Variants in MYO16 observed in about 807,000 individuals in gnomAD.
MYO16 encodes unconventional myosin-XVI.
Under a neutral mutation model 205.3 loss-of-function variants are expected in MYO16, and 94 were observed. The observed-to-expected ratio is 0.46, with a 90% CI of 0.39 to 0.54. The LOEUF (loss-of-function observed/expected upper bound fraction) is 0.54. Among genes scored for constraint, MYO16 ranks in the 20% least tolerant of loss-of-function variants. The probability of loss-of-function intolerance (pLI) is 0.00; values close to 1 mark genes in which losing one functional copy is unlikely to be tolerated. For missense variants in MYO16, 2,315 were observed against 2,387.5 expected (o/e 0.97, Z 0.63); for synonymous variants, 988 against 954.0 (o/e 1.04, Z -0.66).
At chr13:108,967,208 GAATA>G (rs1329845779) in intron 20 of MYO16, among the ~76,000 whole-genome samples, 1 of 151,654 alleles carries the variant, frequency 6.6e-6, no homozygotes, top group Non-Finnish European at 1.5e-5. Flanking sequence ...TGGCAAGAGA[GAATA>G]AATATCACTA....
At chr13:109,098,387 T>C (rs1888844190) in intron 27 of MYO16, among the ~76,000 whole-genome samples, 1 of 152,184 alleles carries the variant, frequency 6.6e-6, no homozygotes, top group Non-Finnish European at 1.5e-5. Context: ...ATTTTCTGCA[T>C]CCCGCCACTT....
chr13:109,198,707 T>G (rs1880264350), intron 34 of MYO16, among the ~76,000 whole-genome samples: 2 of 152,224 alleles, frequency 1.3e-5, no homozygotes. Flanking sequence ...ACAGCTCATA[T>G]TTAAACAGCA....
intron 9 of MYO16, among the ~76,000 whole-genome samples, chr13:108,830,948 C>A (rs540010881): frequency 6.6e-6 from 1 of 152,226 alleles, no homozygotes; most frequent in Non-Finnish European, 1.5e-5. Flanking sequence ...TATGCCATAT[C>A]TTTACATCTG....
intron 24 of MYO16, 40 bp downstream of exon 24, chr13:109,047,031 G>A (rs1470770685): frequency 7.3e-7 from 1 of 1,366,050 alleles, no homozygotes; most frequent in African/African-American, 1.5e-5. Context: ...TGGTTAAAAT[G>A]CCATGCATCC....
At chr13:108,664,686 T>C (rs543326304) in intron 1 of MYO16, among the ~76,000 whole-genome samples, 8 of 152,340 alleles carry the variant, frequency 5.3e-5, no homozygotes, top group African/African-American at 1.7e-4. Flanking sequence ...CTTAAGAATA[T>C]ATAAACACAT....
chr13:108,999,956 T>C (rs543695369), intron 21 of MYO16, among the ~76,000 whole-genome samples: 31 of 152,330 alleles, frequency 2.0e-4, no homozygotes, highest in Non-Finnish European at 4.1e-4. Context: ...TTATGTGCCA[T>C]TGTTTTTTCC....
chr13:108,957,156 T>C (rs1378029794), intron 16 of MYO16, among the ~76,000 whole-genome samples: 1 of 151,794 alleles, frequency 6.6e-6, no homozygotes, highest in Non-Finnish European at 1.5e-5. Context: ...GAGGCCGAGG[T>C]GGGTGGATCA....
At chr13:108,640,422 G>A (rs967863931) in intron 1 of MYO16, among the ~76,000 whole-genome samples, 1 of 152,138 alleles carries the variant, frequency 6.6e-6, no homozygotes, top group Non-Finnish European at 1.5e-5. Flanking sequence ...GGAATGAAGA[G>A]TACAGAACAC....
chr13:108,987,217 G>A (rs139079716), intron 20 of MYO16, among the ~76,000 whole-genome samples: 33 of 152,328 alleles, frequency 2.2e-4, no homozygotes, highest in African/African-American at 7.7e-4. Context: ...AGAGAAGGCC[G>A]GACGGCCTCT....
chr13:108,968,487 G>A (rs1227924240), intron 20 of MYO16, among the ~76,000 whole-genome samples: 4 of 152,034 alleles, frequency 2.6e-5, no homozygotes, highest in African/African-American at 7.2e-5. Flanking sequence ...TTAGCCAGGC[G>A]TGGTGGTGCA....
intron 27 of MYO16, among the ~76,000 whole-genome samples, chr13:109,099,663 A>T (rs918722866): frequency 2.0e-5 from 3 of 152,106 alleles, no homozygotes; most frequent in Admixed American, 6.6e-5. Flanking sequence ...TACACACCAG[A>T]CTGTACTGCC....
chr13:109,113,591 A>G (rs1875518911), intron 28 of MYO16, among the ~76,000 whole-genome samples: 1 of 152,214 alleles, frequency 6.6e-6, no homozygotes, highest in Admixed American at 6.5e-5. Flanking sequence ...TCATAGAAGT[A>G]AACAGGAAGT....
chr13:108,726,557 CAAAAAAA>C (rs756271184), intron 3 of MYO16, among the ~76,000 whole-genome samples: 4 of 108,242 alleles, frequency 3.7e-5, no homozygotes, highest in Admixed American at 9.4e-5. Context: ...GACTCTGTTT[CAAAAAAA>C]AAAAAAAAGA....
chr13:108,638,726 A>T (rs1023022909), intron 1 of MYO16, among the ~76,000 whole-genome samples: 7 of 152,112 alleles, frequency 4.6e-5, no homozygotes, highest in Non-Finnish European at 1.0e-4. Flanking sequence ...TATAAATAGA[A>T]TTTTTTTCTA....
chr13:108,537,149 A>T, the MYO16 span, among the ~76,000 whole-genome samples: 502 of 152,086 alleles, frequency 3.3e-3, 1 homozygote, highest in Non-Finnish European at 5.6e-3. Context: ...TTCAACCCTC[A>T]CCCACCTCTG....
chr13:108,952,537 A>T (rs148639774), intron 16 of MYO16, among the ~76,000 whole-genome samples: 68 of 152,334 alleles, frequency 4.5e-4, no homozygotes, highest in African/African-American at 1.5e-3. Context: ...GCCCATCAGT[A>T]TCAAGAAATA....
At chr13:108,981,527 G>A (rs887004175) in intron 20 of MYO16, among the ~76,000 whole-genome samples, 41 of 152,156 alleles carry the variant, frequency 2.7e-4, no homozygotes, top group Admixed American at 9.2e-4. Context: ...TGCCAATTCC[G>A]AAGCCTTGCC....
intron 23 of MYO16, among the ~76,000 whole-genome samples, chr13:109,045,794 C>T (rs192990591): frequency 2.6e-5 from 4 of 152,304 alleles, no homozygotes; most frequent in East Asian, 1.9e-4. Flanking sequence ...GCCCTTTCTT[C>T]ATAGTTTCTT....
intron 13 of MYO16, among the ~76,000 whole-genome samples, chr13:108,885,537 T>G (rs1879827734): frequency 6.6e-6 from 1 of 152,222 alleles, no homozygotes; most frequent in South Asian, 2.1e-4. Context: ...CTTCCTTTGA[T>G]AAATAGGGAA....
Sources: allele counts gnomAD v4.1 joint callset (sites outside exome capture counted in the v4.1 genomes callset), GRCh38; gene constraint gnomAD v4.1.1; transcripts MANE v1.5; gene names NCBI Gene and HGNC (gene_info 2026-07-23, HGNC 2026-07-21).